CENPC: variants seen among roughly 807,000 people sequenced by gnomAD.
CENPC encodes the protein CENP-C 1.
CENPC carries 63 observed loss-of-function variants against 112.1 expected under a neutral mutation model. The ratio of observed to expected loss-of-function variants is 0.56; its 90% CI spans 0.46 to 0.69. CENPC has a LOEUF of 0.69. CENPC is among the 30% of genes least tolerant of loss of function. The probability of loss-of-function intolerance (pLI) is 0.00; values close to 1 mark genes in which losing one functional copy is unlikely to be tolerated. For synonymous variants in CENPC, 333 were observed against 367.6 expected (o/e 0.91, Z 1.08); for missense variants, 1,000 against 1,103.8 (o/e 0.91, Z 1.33).
chr4:67,507,813 C>A (rs775394311), intron 10 of CENPC, among the ~76,000 whole-genome samples: 2 of 151,950 alleles, frequency 1.3e-5, no homozygotes, highest in Non-Finnish European at 2.9e-5. Context: ...CGATCAGAAC[C>A]CCTCAACAAA....
At chr4:67,491,527 A>AGAGAGAGAGAGAGC (rs1433475806) in intron 16 of CENPC, among the ~76,000 whole-genome samples, 4 of 126,454 alleles carry the variant, frequency 3.2e-5, no homozygotes, top group Admixed American at 8.6e-5. Flanking sequence ...AGAGAGAGAG[A>AGAGAGAGAGAGAGC]GCCTGGTTGT....
At chr4:67,526,167 G>C (rs190041925) in intron 5 of CENPC, among the ~76,000 whole-genome samples, 1 of 151,958 alleles carries the variant, frequency 6.6e-6, no homozygotes, top group Admixed American at 6.6e-5. Context: ...GGCCTGTGGT[G>C]GGGGGAGGGA....
intron 12 of CENPC, among the ~76,000 whole-genome samples, chr4:67,499,835 G>A (rs918387167): frequency 6.6e-6 from 1 of 152,230 alleles, no homozygotes; most frequent in Non-Finnish European, 1.5e-5. Flanking sequence ...TTGATTTAAA[G>A]TGAAAAATGT....
intron 18 of CENPC, among the ~76,000 whole-genome samples, chr4:67,473,896 G>C (rs1724736028): frequency 6.6e-6 from 1 of 152,118 alleles, no homozygotes; most frequent in African/African-American, 2.4e-5. Context: ...ATGACAAGTG[G>C]ATTAAAATGC....
chr4:67,527,147 T>G (rs1387355378), intron 5 of CENPC, among the ~76,000 whole-genome samples: 1 of 151,986 alleles, frequency 6.6e-6, no homozygotes, highest in African/African-American at 2.4e-5. Flanking sequence ...GAGGGGGAAA[T>G]TTATGCCAAA....
intron 12 of CENPC, among the ~76,000 whole-genome samples, chr4:67,503,176 A>G (rs1725639608): frequency 6.6e-6 from 1 of 151,962 alleles, no homozygotes; most frequent in Non-Finnish European, 1.5e-5. Flanking sequence ...TGCCTCTGTG[A>G]CATCATTTTT....
chr4:67,500,932 A>G (rs113040055), intron 12 of CENPC, among the ~76,000 whole-genome samples: 116 of 152,300 alleles, frequency 7.6e-4, no homozygotes, highest in African/African-American at 2.6e-3. Flanking sequence ...CTCCACAATA[A>G]TATTTATCAA....
Position 67,470,650 on chromosome 4 carries a change from G to A in CENPC, c.*1955C>T, listed in dbSNP as rs1577965802. ...GCTAAAGCTTTGGAAAAGAACTGTTGGAATCTGTGGCCTCCTTGAGTGAGG... is the reference window on the plus strand; with the variant it reads ...GCTAAAGCTTTGGAAAAGAACTGTTAGAATCTGTGGCCTCCTTGAGTGAGG... On this transcript the variant is annotated 3_prime_UTR_variant, in exon 19 of 19. Coordinates refer to ENST00000273853, the MANE Select transcript of CENPC (RefSeq NM_001812.4). The A allele has an allele frequency of 6.6e-6, 1 of 151,908 alleles. No homozygotes were observed. Among genetic ancestry groups the A allele is most frequent in the East Asian group, 1.9e-4 (1 of 5,156 alleles). 9.4% of individuals were successfully genotyped at this position (151,908 alleles called of 1,614,324 possible).
rs534206604 is a variant in CENPC, at chr4:67,469,987, C to T, written c.*2618G>A. ...CATCTAATGTGGTAGCCACCAGTAC[C>T]ATGTGCTACTAAGCACTTGAAATGT... On this transcript the variant is annotated 3_prime_UTR_variant, in exon 19 of 19. Transcript: ENST00000273853. 1 of 152,318 alleles carries T rather than the reference C, an allele frequency of 6.6e-6. No individual in the cohort carries two copies. Among genetic ancestry groups the T allele is most frequent in the East Asian group, 1.9e-4 (1 of 5,184 alleles). 9.4% of individuals were successfully genotyped at this position (152,318 alleles called of 1,614,324 possible).
intron 17 of CENPC, among the ~76,000 whole-genome samples, chr4:67,486,183 A>C (rs1221951026): frequency 6.6e-6 from 1 of 152,198 alleles, no homozygotes; most frequent in Non-Finnish European, 1.5e-5. Context: ...TAATTAAGAA[A>C]GCTTTTGAAA....
intron 5 of CENPC, among the ~76,000 whole-genome samples, chr4:67,529,386 G>A (rs1287716959): frequency 2.6e-5 from 4 of 152,078 alleles, no homozygotes; most frequent in East Asian, 1.9e-4. Flanking sequence ...GTGCAGTGGC[G>A]CAATCTTCGG....
chr4:67,478,879 A>T (rs1254958505), intron 17 of CENPC, among the ~76,000 whole-genome samples: 6 of 152,320 alleles, frequency 3.9e-5, no homozygotes, highest in African/African-American at 1.2e-4. Flanking sequence ...GTAGTAAAAG[A>T]TATTCCATGC....
Position 67,492,904 on chromosome 4 carries a change from T to C in CENPC, c.2384A>G (p.Asn795Ser). ...ENIGKVNKKSNKKRICLDNDE... is the reference protein window; with the variant it reads ...ENIGKVNKKSSKKRICLDNDE... ...GTTATCAAGACAGATCCTTTTCTTA[T>C]TAGATTTTTTGTTGACTTTTCCAAT... Residue 795 changes from asparagine to serine, a missense_variant, in exon 15 of 19, where the codon AAT becomes AGT. Coordinates refer to ENST00000273853, the MANE Select transcript of CENPC (RefSeq NM_001812.4). 1.9e-6 allele frequency: 3 copies of C among 1,569,124 alleles called. No homozygotes were observed. The highest frequency in any genetic ancestry group is 2.6e-6 in the Non-Finnish European group (3 of 1,153,100).
intron 18 of CENPC, among the ~76,000 whole-genome samples, chr4:67,473,695 G>A (rs780550973): frequency 2.6e-5 from 4 of 152,014 alleles, no homozygotes; most frequent in Admixed American, 1.3e-4. Flanking sequence ...AGGACTATAG[G>A]TGTGTATCAC....
At chr4:67,495,546 G>C (rs115308160) in intron 12 of CENPC, among the ~76,000 whole-genome samples, 1 of 152,108 alleles carries the variant, frequency 6.6e-6, no homozygotes. Flanking sequence ...GGATGAGGAA[G>C]GGGTTTTATT....
At chr4:67,544,537 C>CA (rs1726974457) in intron 1 of CENPC, among the ~76,000 whole-genome samples, 3 of 151,934 alleles carry the variant, frequency 2.0e-5, no homozygotes, top group Non-Finnish European at 2.9e-5. Flanking sequence ...ATATGTATAA[C>CA]GTCACATAAT....
rs1448421748 is a variant in CENPC at position 67,514,512 on chromosome 4, C to T, written c.1006G>A (p.Glu336Lys). Residue 336 changes from glutamate to lysine, a missense_variant, in exon 8 of 19, where the codon GAG becomes AAG. Glu to Lys is a moderately conservative substitution (Grantham distance 56). Coordinates refer to ENST00000273853, the MANE Select transcript of CENPC (RefSeq NM_001812.4). ...CTACCTTGAAGGAGTGCAGTGCTCTCAGCCGGGGATATTGTGCGTTGTTTC... is the reference window on the plus strand; with the variant it reads ...CTACCTTGAAGGAGTGCAGTGCTCTTAGCCGGGGATATTGTGCGTTGTTTC... ...SLKQRTISPAESTALLQGRKS... is the reference protein window; with the variant it reads ...SLKQRTISPAKSTALLQGRKS... 6.2e-7 allele frequency: 1 copy of T among 1,613,272 alleles called. No individual in the cohort carries two copies. Among genetic ancestry groups the T allele is most frequent in the South Asian group, 1.1e-5 (1 of 91,018 alleles).
intron 7 of CENPC, among the ~76,000 whole-genome samples, chr4:67,516,672 C>A (rs979719088): frequency 1.3e-4 from 19 of 151,932 alleles, no homozygotes; most frequent in Non-Finnish European, 2.1e-4. Context: ...AATACAAATA[C>A]TACAATGAAT....
At chr4:67,535,309 G>A (rs1186991026) in intron 4 of CENPC, among the ~76,000 whole-genome samples, 2 of 151,672 alleles carry the variant, frequency 1.3e-5, no homozygotes, top group African/African-American at 4.8e-5. Context: ...AAAAAGGAGA[G>A]GCCAAGAAAA....
Sources: allele counts gnomAD v4.1 joint callset (sites outside exome capture counted in the v4.1 genomes callset), GRCh38; gene constraint gnomAD v4.1.1; transcripts MANE v1.5; gene names NCBI Gene and HGNC (gene_info 2026-07-23, HGNC 2026-07-21).